Variants in MSRA observed in about 807,000 individuals in gnomAD.
MSRA encodes methionine sulfoxide reductase A.
A neutral mutation model predicts 31.3 loss-of-function variants in MSRA; 54 were observed. The observed-to-expected ratio is 1.73, with a 90% confidence interval of 1.39 to 2.17. The LOEUF (loss-of-function observed/expected upper bound fraction) is 2.17, where lower values mean the gene tolerates loss of function less well. MSRA is among the 30% of genes most tolerant of loss of function. The probability of loss-of-function intolerance (pLI) is 0.00; values close to 1 mark genes in which losing one functional copy is unlikely to be tolerated. For missense variants in MSRA, 507 were observed against 300.9 expected (o/e 1.69, Z -5.07); for synonymous variants, 169 against 116.5 (o/e 1.45, Z -2.90).
At chr8:10,163,812 C>T (rs1219623080) in intron 1 of MSRA, among the ~76,000 whole-genome samples, 1 of 152,252 alleles carries the variant, frequency 6.6e-6, no homozygotes, top group Non-Finnish European at 1.5e-5. Context: ...CAGATGGACA[C>T]CGCATGCTGG....
At chr8:10,365,491 T>TA (rs1395128790) in intron 5 of MSRA, among the ~76,000 whole-genome samples, 1 of 152,136 alleles carries the variant, frequency 6.6e-6, no homozygotes, top group Non-Finnish European at 1.5e-5. Flanking sequence ...TAAAAGCAAA[T>TA]ACCAAATGGG....
intron 2 of MSRA, 82 bp from the exon 3 acceptor site, chr8:10,245,022 T>A: frequency 7.7e-7 from 1 of 1,302,030 alleles, no homozygotes; most frequent in Non-Finnish European, 1.0e-6. Flanking sequence ...TTTTTCTTCA[T>A]GTAACAGGTG....
intron 1 of MSRA, among the ~76,000 whole-genome samples, chr8:10,181,393 A>G (rs1222914458): frequency 6.6e-6 from 1 of 151,842 alleles, no homozygotes; most frequent in Non-Finnish European, 1.5e-5. Context: ...AGCGTGCAGT[A>G]TAGCTTGTGC....
chr8:10,085,716 C>A (rs1302967418), intron 1 of MSRA, among the ~76,000 whole-genome samples: 1 of 152,160 alleles, frequency 6.6e-6, no homozygotes, highest in African/African-American at 2.4e-5. Context: ...CTGTCATCAC[C>A]CCCAAAAGTT....
At chr8:10,392,015 A>G (rs1171583209) in intron 5 of MSRA, among the ~76,000 whole-genome samples, 3 of 152,190 alleles carry the variant, frequency 2.0e-5, no homozygotes, top group Admixed American at 6.5e-5. Context: ...GAAAGAAGTC[A>G]CTGTCTGACC....
chr8:10,248,826 G>A (rs927306977), intron 3 of MSRA, among the ~76,000 whole-genome samples: 32 of 152,226 alleles, frequency 2.1e-4, no homozygotes, highest in African/African-American at 7.0e-4. Context: ...CCCGACATGC[G>A]TAGAGAATAC....
At chr8:10,312,547 C>T (rs1194102197) in intron 4 of MSRA, among the ~76,000 whole-genome samples, 1 of 152,114 alleles carries the variant, frequency 6.6e-6, no homozygotes, top group Admixed American at 6.5e-5. Flanking sequence ...AGATGCAGTC[C>T]ATCTTATGAT....
intron 1 of MSRA, among the ~76,000 whole-genome samples, chr8:10,183,366 G>A (rs998715450): frequency 3.9e-5 from 6 of 152,180 alleles, no homozygotes; most frequent in African/African-American, 1.4e-4. Context: ...CAGGGGCTAA[G>A]TGTGATAATG....
chr8:10,418,990 G>A (rs1808649701), intron 5 of MSRA, among the ~76,000 whole-genome samples: 1 of 151,814 alleles, frequency 6.6e-6, no homozygotes, highest in Admixed American at 6.6e-5. Flanking sequence ...TATGTCTATA[G>A]GTCAGTCCTA....
At chr8:10,369,299 A>G (rs1563402615) in intron 5 of MSRA, among the ~76,000 whole-genome samples, 1 of 152,158 alleles carries the variant, frequency 6.6e-6, no homozygotes, top group South Asian at 2.1e-4. Flanking sequence ...CAGCTAAGAA[A>G]TAATCTATTC....
chr8:10,160,172 T>C (rs1430973070), intron 1 of MSRA, among the ~76,000 whole-genome samples: 1 of 152,192 alleles, frequency 6.6e-6, no homozygotes, highest in East Asian at 1.9e-4. Flanking sequence ...TTAAAAATGA[T>C]AATCATACAG....
chr8:10,345,977 A>G (rs1803747863), intron 5 of MSRA, among the ~76,000 whole-genome samples: 1 of 152,190 alleles, frequency 6.6e-6, no homozygotes, highest in Admixed American at 6.5e-5. Context: ...TACCTACAGA[A>G]TCATAGTTCA....
At chr8:10,144,092 G>T (rs976650692) in intron 1 of MSRA, among the ~76,000 whole-genome samples, 6 of 152,126 alleles carry the variant, frequency 3.9e-5, no homozygotes, top group Non-Finnish European at 7.3e-5. Flanking sequence ...CAACCCTATA[G>T]TATAGTGACC....
chr8:10,117,821 A>G (rs1800794773), intron 1 of MSRA, among the ~76,000 whole-genome samples: 1 of 152,192 alleles, frequency 6.6e-6, no homozygotes, highest in African/African-American at 2.4e-5. Flanking sequence ...GAAACCCTAA[A>G]TTTACTCTCA....
intron 1 of MSRA, among the ~76,000 whole-genome samples, chr8:10,159,866 T>A (rs1563165406): frequency 1.3e-5 from 2 of 152,220 alleles, no homozygotes; most frequent in Non-Finnish European, 2.9e-5. Context: ...GTTTTTATGT[T>A]TTTGAGATAC....
At chr8:10,221,023 G>T (rs559592827) in intron 2 of MSRA, among the ~76,000 whole-genome samples, 1 of 152,166 alleles carries the variant, frequency 6.6e-6, no homozygotes, top group Non-Finnish European at 1.5e-5. Flanking sequence ...CTTTGGCCAG[G>T]CCTCACACTG....
intron 1 of MSRA, among the ~76,000 whole-genome samples, chr8:10,067,945 G>A (rs539579736): frequency 1.4e-5 from 2 of 143,796 alleles, no homozygotes; most frequent in East Asian, 4.1e-4. Context: ...GTGCAGTGGT[G>A]CGATCTTGGC....
chr8:10,237,007 C>T (rs976770806), intron 2 of MSRA, among the ~76,000 whole-genome samples: 9 of 152,198 alleles, frequency 5.9e-5, no homozygotes, highest in African/African-American at 2.2e-4. Flanking sequence ...AACCCTCTAG[C>T]TGATAGTACA....
chr8:10,286,244 G>C (rs923001243), intron 3 of MSRA, among the ~76,000 whole-genome samples: 1 of 152,198 alleles, frequency 6.6e-6, no homozygotes, highest in African/African-American at 2.4e-5. Flanking sequence ...TGGTTTGACT[G>C]TATCCCCACC....
Sources: gnomAD v4.1 joint callset for allele counts (sites outside exome capture counted in the v4.1 genomes callset) on GRCh38, gnomAD v4.1.1 for gene constraint, MANE v1.5 for transcripts, NCBI Gene and HGNC (gene_info 2026-07-23, HGNC 2026-07-21) for gene names.